ACAN: variants seen among roughly 807,000 people sequenced by gnomAD.
ACAN encodes aggrecan, also known as aggrecan core protein.
In ACAN, 47 loss-of-function variants were observed where a neutral mutation model predicts 169.1. That is an observed-to-expected ratio of 0.28 (90% CI 0.22 to 0.35). ACAN has a LOEUF of 0.35. Ranked by LOEUF, ACAN falls within the 10% of genes least tolerant of loss-of-function variation. The pLI is 1.00. For synonymous variants in ACAN, 1,115 were observed against 1,112.2 expected, an observed-to-expected ratio of 1.00 and a Z score of -0.05; for missense variants, 2,716 against 2,759.9, an observed-to-expected ratio of 0.98 and a Z score of 0.36.
chr15:88,816,341 A>T (rs1362726325), intron 1 of ACAN, among the ~76,000 whole-genome samples: 4 of 152,200 alleles, frequency 2.6e-5, no homozygotes, highest in African/African-American at 9.7e-5. Context: ...GTGCTTCATC[A>T]AAGGGATTTA....
At chr15:88,833,424 C>T (rs1251122609) in intron 1 of ACAN, among the ~76,000 whole-genome samples, 1 of 152,142 alleles carries the variant, frequency 6.6e-6, no homozygotes, top group Non-Finnish European at 1.5e-5. Context: ...TCCTCTGCCT[C>T]ACCTATGCTG....
At chr15:88,809,384 T>C (rs1895764275) in intron 1 of ACAN, among the ~76,000 whole-genome samples, 1 of 152,154 alleles carries the variant, frequency 6.6e-6, no homozygotes. Flanking sequence ...TCAGGTTCTT[T>C]ATTTATAACA....
intron 1 of ACAN, among the ~76,000 whole-genome samples, chr15:88,806,910 A>G (rs983739318): frequency 6.6e-6 from 1 of 152,216 alleles, no homozygotes; most frequent in African/African-American, 2.4e-5. Flanking sequence ...AGCAAAGGTA[A>G]GTACTGTTTC....
rs1302319842 is a variant in ACAN, at chr15:88,861,971, C to A, written c.6946+1532C>A. Among the ~76,000 whole-genome samples the A allele has an allele frequency of 2.0e-5, 3 of 152,178 alleles. No individual in the cohort carries two copies. Among genetic ancestry groups the A allele is most frequent in the Non-Finnish European group, 4.4e-5 (3 of 68,042 alleles). ...GGCTCTGTAAGCAGCTTGGTAACTA[C>A]CCCCATTTGAGACTGGAACTCAGAG... On this transcript the variant is annotated intron_variant, in intron 13 of 18. Transcript: ENST00000560601. The surrounding 1 kb of genome is among the most constrained non-coding windows in gnomAD (Gnocchi z 6.3).
intron 1 of ACAN, among the ~76,000 whole-genome samples, chr15:88,808,518 C>T (rs1170243618): frequency 1.3e-5 from 2 of 152,162 alleles, no homozygotes; most frequent in Non-Finnish European, 2.9e-5. Flanking sequence ...GAACCTGACC[C>T]CTCATTTCTA....
intron 11 of ACAN, among the ~76,000 whole-genome samples, chr15:88,853,842 TAAC>T (rs1896988223): frequency 9.3e-6 from 1 of 107,022 alleles, no homozygotes; most frequent in African/African-American, 4.3e-5. Context: ...CCTGCCCAGC[TAAC>T]TTTTTTTTTT....
At chr15:88,821,375 C>T (rs935896473) in intron 1 of ACAN, among the ~76,000 whole-genome samples, 1 of 152,118 alleles carries the variant, frequency 6.6e-6, no homozygotes, top group African/African-American at 2.4e-5. Context: ...GGATGATCTC[C>T]CTATGTTGTC....
intron 1 of ACAN, among the ~76,000 whole-genome samples, chr15:88,804,482 G>C (rs952275998): frequency 5.3e-5 from 8 of 152,110 alleles, no homozygotes; most frequent in African/African-American, 1.9e-4. Context: ...CTGAACACAC[G>C]GGTGTCCAAC....
Position 88,849,400 on chromosome 15 carries a change from T to G in ACAN, c.1733-38T>G, listed in dbSNP as rs749914863. On this transcript the variant is annotated intron_variant, in intron 9 of 18. Coordinates refer to ENST00000560601, the MANE Select transcript of ACAN (RefSeq NM_001369268.1). This position sits in a 1 kb window ranked among gnomAD's most constrained non-coding sequence, Gnocchi z 5.1. Reference sequence around the variant, plus strand: ...GGCAGGGATGGACCTGGCCTGAGTGTGGGGGGGTCATATTCTACCCCTTGC... The same window carrying G: ...GGCAGGGATGGACCTGGCCTGAGTGGGGGGGGGTCATATTCTACCCCTTGC... 2 of 1,521,532 alleles carry G rather than the reference T, an allele frequency of 1.3e-6. No homozygotes were observed. The highest frequency in any genetic ancestry group is 4.7e-5 in the East Asian group (2 of 42,946). The allele number at this position is 1,521,532 out of a possible 1,614,324, so 94.3% of individuals were successfully genotyped here. A position where few individuals can be genotyped will look rare whatever the true frequency, so the allele number is the denominator to read the frequency against.
At chr15:88,840,786 TAAA>T (rs11333209) in intron 4 of ACAN, among the ~76,000 whole-genome samples, 2 of 136,324 alleles carry the variant, frequency 1.5e-5, no homozygotes, top group African/African-American at 2.6e-5. Context: ...ACTATAGCCA[TAAA>T]AAAAAAAAAA....
intron 1 of ACAN, among the ~76,000 whole-genome samples, chr15:88,819,370 T>A (rs1450679840): frequency 6.6e-6 from 1 of 152,142 alleles, no homozygotes; most frequent in African/African-American, 2.4e-5. Flanking sequence ...GTACCTTGGT[T>A]CTTTGAGTCA....
At position 88,861,816 on chromosome 15, in the gene ACAN, A is replaced by G. The variant is rs1253205387; in HGVS notation, c.6946+1377A>G. On this transcript the variant is annotated intron_variant, in intron 13 of 18. Coordinates refer to ENST00000560601, the MANE Select transcript of ACAN (RefSeq NM_001369268.1). The surrounding 1 kb of genome is among the most constrained non-coding windows in gnomAD (Gnocchi z 6.3). ...AGCATCAGAAGTCAAAGCAAGGCTC[A>G]TGTTCTTGGCAGCCCTGAAATTAAT... Among the ~76,000 whole-genome samples the G allele has an allele frequency of 6.6e-6, 1 of 152,192 alleles. No individual in the cohort carries two copies. Among genetic ancestry groups the G allele is most frequent in the Admixed American group, 6.5e-5 (1 of 15,292 alleles).
In ACAN at chr15:88,871,344, C is replaced by A. The variant is rs761225054; in HGVS notation, c.7061-38C>A. ...GCAGCATCTGCCATCCCCTGGTGGC[C>A]TCTGCCCCTCCCTTCAAGCCCCTGA... On this transcript the variant is annotated intron_variant, in intron 14 of 18. Coordinates refer to ENST00000560601, the MANE Select transcript of ACAN (RefSeq NM_001369268.1). This position sits in a 1 kb window ranked among gnomAD's most constrained non-coding sequence, Gnocchi z 7.8. The A allele has an allele frequency of 6.2e-7, 1 of 1,612,814 alleles. No individual in the cohort carries two copies. Among genetic ancestry groups the A allele is most frequent in the Non-Finnish European group, 8.5e-7 (1 of 1,179,714 alleles).
intron 1 of ACAN, among the ~76,000 whole-genome samples, chr15:88,812,172 G>T (rs1895837939): frequency 6.6e-6 from 1 of 152,098 alleles, no homozygotes; most frequent in African/African-American, 2.4e-5. Flanking sequence ...CTCCCCATCT[G>T]CCCTCTTCTC....
chr15:88,822,020 T>C (rs535516320), intron 1 of ACAN, among the ~76,000 whole-genome samples: 1 of 152,288 alleles, frequency 6.6e-6, no homozygotes, highest in East Asian at 1.9e-4. Flanking sequence ...CCAGAAATAA[T>C]ATGTGCAACA....
At chr15:88,841,566 C>A (rs1896661807) in intron 4 of ACAN, among the ~76,000 whole-genome samples, 174 bp from the exon 5 acceptor site, 1 of 152,132 alleles carries the variant, frequency 6.6e-6, no homozygotes, top group African/African-American at 2.4e-5. Context: ...TGGGGGCTGC[C>A]TTTAATCATG....
chr15:88,850,114 G>C, intron 10 of ACAN: 1 of 542,998 alleles, frequency 1.8e-6, no homozygotes, highest in Non-Finnish European at 3.2e-6. Context: ...CATAGTGCCT[G>C]GGACACAGTA....
At chr15:88,804,837 A>C (rs942302371) in intron 1 of ACAN, among the ~76,000 whole-genome samples, 1 of 152,116 alleles carries the variant, frequency 6.6e-6, no homozygotes, top group African/African-American at 2.4e-5. Context: ...CTGATGTGTA[A>C]ATTCTGGTTC....
At position 88,845,495 on chromosome 15, in the gene ACAN, C is replaced by A; in HGVS notation, c.1052-10C>A. ...TGAGAGGCTAAAGCTTGTCTTTGCCCCTCCCCTAGGTGAAGACTTTGTGGA... is the reference window on the plus strand; with the variant it reads ...TGAGAGGCTAAAGCTTGTCTTTGCCACTCCCCTAGGTGAAGACTTTGTGGA... On this transcript the variant is annotated splice_polypyrimidine_tract_variant and intron_variant, in intron 6 of 18. Transcript: ENST00000560601. 6.3e-7 allele frequency: 1 copy of A among 1,588,134 alleles called. No individual in the cohort carries two copies. Among genetic ancestry groups the A allele is most frequent in the South Asian group, 1.1e-5 (1 of 87,730 alleles).
Sources: gnomAD v4.1 joint callset for allele counts (sites outside exome capture counted in the v4.1 genomes callset) on GRCh38, gnomAD v4.1.1 for gene constraint, Gnocchi (gnomAD v3.1) non-coding constraint, MANE v1.5 for transcripts, NCBI Gene and HGNC (gene_info 2026-07-23, HGNC 2026-07-21) for gene names.